Variants in FAIM observed in about 807,000 individuals in gnomAD.
FAIM encodes fas apoptotic inhibitory molecule 1.
In FAIM, 14 loss-of-function variants were observed where a neutral mutation model predicts 21.2. The observed-to-expected ratio is 0.66, with a 90% CI of 0.44 to 1.03. The LOEUF (loss-of-function observed/expected upper bound fraction) is 1.03. FAIM is among the 50% of genes least tolerant of loss of function. FAIM has a pLI of 0.00. For missense variants in FAIM, 222 were observed against 247.1 expected, an observed-to-expected ratio of 0.90 and a Z score of 0.68; for synonymous variants, 86 against 80.4, an observed-to-expected ratio of 1.07 and a Z score of -0.37.
chr3:138,633,038 C>G lies in FAIM; in HGVS notation c.565C>G (p.Leu189Val). Residue 189 changes from leucine (L) to valine (V), a missense_variant, in exon 6 of 6, where the codon CTC (leucine) becomes GTC (valine). Leu to Val is a conservative substitution (Grantham distance 32). Transcript: ENST00000360570. The part of the protein sequence containing the change: ...GKRKEGIIHT[L>V]IVDNREIPEI... ...GCGGAAAGAAGGGATTATTCATACT[C>G]TCATTGTGGATAATAGAGAAATCCC... The G allele has an allele frequency of 1.9e-6, 3 of 1,613,702 alleles. No homozygotes were observed. Among genetic ancestry groups the G allele is most frequent in the Non-Finnish European group, 2.5e-6 (3 of 1,179,812 alleles).
chr3:138,629,180 T>C, intron 5 of FAIM, 24 bp downstream of exon 5: 1 of 1,584,020 alleles, frequency 6.3e-7, no homozygotes, highest in East Asian at 2.2e-5. Flanking sequence ...TTGATGACTC[T>C]AAGTGCCATG....
At chr3:138,628,549 G>A (rs542857128) in intron 4 of FAIM, among the ~76,000 whole-genome samples, 16 of 151,556 alleles carry the variant, frequency 1.1e-4, no homozygotes, top group East Asian at 1.9e-4. Flanking sequence ...CAGTGGTGCG[G>A]TCTCGGCTCA....
chr3:138,628,960 G>A, intron 4 of FAIM, 147 bp from the exon 5 acceptor site: 1 of 540,292 alleles, frequency 1.9e-6, no homozygotes, highest in South Asian at 2.8e-5. Context: ...AGCCATGAAA[G>A]CCATGAAAAA....
At chr3:138,622,092 C>A in intron 3 of FAIM, 96 bp from the exon 4 acceptor site, 5 of 1,023,690 alleles carry the variant, frequency 4.9e-6, no homozygotes, top group Non-Finnish European at 7.0e-6. Context: ...GAAATTATAT[C>A]TAAATGGCAT....
At chr3:138,618,440 G>T (rs1233893800) in intron 1 of FAIM, among the ~76,000 whole-genome samples, 1 of 152,164 alleles carries the variant, frequency 6.6e-6, no homozygotes, top group Middle Eastern at 3.2e-3. Flanking sequence ...GCCGAGGCAG[G>T]TGGATCACTT....
chr3:138,618,432 C>T lies in FAIM; in HGVS notation c.-16-1279C>T, dbSNP rs540510041. Among the ~76,000 whole-genome samples, 8 of 152,082 alleles carry T rather than the reference C, an allele frequency of 5.3e-5. No homozygotes were observed. The South Asian group carries it at 1.7e-3, about 32-fold the overall frequency. On this transcript the variant is annotated intron_variant, in intron 1 of 5. Coordinates refer to ENST00000360570, the MANE Select transcript of FAIM (RefSeq NM_001033031.2). The stretch of plus-strand genomic sequence containing the variant: ...CTGTAATCCCAGCACTTTGGGAGGC[C>T]GAGGCAGGTGGATCACTTGAGACCA...
At chr3:138,622,456 TTA>T in intron 4 of FAIM, 40 bp downstream of exon 4, 1 of 1,197,894 alleles carries the variant, frequency 8.3e-7, no homozygotes, top group Non-Finnish European at 1.2e-6. Flanking sequence ...TTTTTTTTTT[TTA>T]TAATGTCTGT....
At chr3:138,629,687 A>C (rs1211589218) in intron 5 of FAIM, 1 of 152,170 alleles carries the variant, frequency 6.6e-6, no homozygotes, top group East Asian at 1.9e-4. Context: ...ATTTTTGTAA[A>C]ATGAGTGATA....
In FAIM at chr3:138,608,894, T is replaced by G. The variant is rs978969844; in HGVS notation, c.-60T>G. 4.6e-5 allele frequency: 7 copies of G among 152,426 alleles called. No individual in the cohort carries two copies. Among genetic ancestry groups the G allele is most frequent in the East Asian group, 3.9e-4 (2 of 5,178 alleles). 9.4% of individuals were successfully genotyped at this position (152,426 alleles called of 1,614,324 possible). ...GCCGAGTCGGAACCAACCGGTTGTT[T>G]GGTGAAACCTACCCCAGAGCCTCCC... On this transcript the variant is annotated 5_prime_UTR_variant, in exon 1 of 6. Transcript: ENST00000360570.
intron 4 of FAIM, among the ~76,000 whole-genome samples, chr3:138,626,678 G>A (rs1186131557): frequency 1.3e-5 from 2 of 151,984 alleles, no homozygotes; most frequent in Non-Finnish European, 2.9e-5. Flanking sequence ...CTTGGAACAG[G>A]ACACATATTA....
chr3:138,611,043 TG>T (rs2042762891), intron 1 of FAIM: 1 of 1,608,424 alleles, frequency 6.2e-7, no homozygotes, highest in Non-Finnish European at 8.5e-7. Flanking sequence ...CTGAGGTTAG[TG>T]CCCTGCCCAG....
intron 1 of FAIM, among the ~76,000 whole-genome samples, chr3:138,619,353 A>G (rs1378708516): frequency 6.6e-6 from 1 of 152,222 alleles, no homozygotes; most frequent in Admixed American, 6.5e-5. Flanking sequence ...TTACGCTTCA[A>G]CTTGAAAAGC....
chr3:138,608,844 G>A lies in FAIM; in HGVS notation c.-110G>A, dbSNP rs2042717568. The A allele has an allele frequency of 6.6e-6, 1 of 152,354 alleles. No homozygotes were observed. The highest frequency in any genetic ancestry group is 6.5e-5 in the Admixed American group (1 of 15,294). The allele number at this position is 152,354 out of a possible 1,614,324, so 9.4% of individuals were successfully genotyped here. The stretch of plus-strand genomic sequence containing the variant: ...CGGCTGCGCCTGTTTCTCGGCCAGG[G>A]GAGCAAGGCCACGCGGCCTACGCAG... On this transcript the variant is annotated 5_prime_UTR_variant, in exon 1 of 6. Coordinates refer to ENST00000360570, the MANE Select transcript of FAIM (RefSeq NM_001033031.2).
intron 1 of FAIM, among the ~76,000 whole-genome samples, chr3:138,609,588 TCTCGACTCTCTCTCTCTCTCTCTCGA>T (rs1560491036): frequency 4.6e-4 from 14 of 30,700 alleles, no homozygotes; most frequent in Admixed American, 6.1e-4. Context: ...ACTCTCTCTC[TCTCGACTCTCTCTCTCTCTCTCTCGA>T]CTCTCTCTCT....
chr3:138,614,931 A>G (rs1190646153), intron 1 of FAIM, among the ~76,000 whole-genome samples: 1 of 152,118 alleles, frequency 6.6e-6, no homozygotes, highest in Non-Finnish European at 1.5e-5. Flanking sequence ...GCAGAACAAG[A>G]CCCTGTCTCA....
intron 4 of FAIM, among the ~76,000 whole-genome samples, chr3:138,628,774 C>T (rs950997087): frequency 2.3e-4 from 35 of 152,010 alleles, no homozygotes; most frequent in African/African-American, 4.6e-4. Context: ...TGAGCCACCG[C>T]GCCCGGCCTG....
At chr3:138,622,581 A>G (rs181401216) in intron 4 of FAIM, among the ~76,000 whole-genome samples, 165 bp downstream of exon 4, 17 of 152,008 alleles carry the variant, frequency 1.1e-4, no homozygotes, top group African/African-American at 2.2e-4. Context: ...TTTGTTTCCT[A>G]TCTGCTTGGG....
chr3:138,633,048 A>G lies in FAIM; in HGVS notation c.575A>G (p.Asp192Gly), dbSNP rs1408394176. ...KEGIIHTLIVDNREIPEIAS is the reference protein window; with the variant it reads ...KEGIIHTLIVGNREIPEIAS ...GGGATTATTCATACTCTCATTGTGG[A>G]TAATAGAGAAATCCCAGAGATTGCA... Residue 192 changes from aspartate to glycine, a missense_variant, in exon 6 of 6, where the codon GAT (aspartate) becomes GGT (glycine). Coordinates refer to ENST00000360570, the MANE Select transcript of FAIM (RefSeq NM_001033031.2). 1 of 1,613,372 alleles carries G rather than the reference A, an allele frequency of 6.2e-7. No individual in the cohort carries two copies. Among genetic ancestry groups the G allele is most frequent in the South Asian group, 1.1e-5 (1 of 90,852 alleles).
chr3:138,631,253 AT>A (rs1016971589), intron 5 of FAIM: 28 of 148,174 alleles, frequency 1.9e-4, no homozygotes, highest in Admixed American at 2.7e-4. Flanking sequence ...ATCTCTATAA[AT>A]TTTTTTTTTT....
Sources: allele counts gnomAD v4.1 joint callset (sites outside exome capture counted in the v4.1 genomes callset), GRCh38; gene constraint gnomAD v4.1.1; transcripts MANE v1.5; gene names NCBI Gene and HGNC (gene_info 2026-07-23, HGNC 2026-07-21).